The following MYRFL variants were observed in gnomAD, a reference collection of about 807,000 sequenced individuals.
MYRFL encodes myelin regulatory factor-like protein.
Under a neutral mutation model 109.4 loss-of-function variants are expected in MYRFL, and 88 were observed. The observed-to-expected ratio is 0.80, with a 90% CI of 0.68 to 0.96. MYRFL has a LOEUF of 0.96. Ranked by LOEUF, MYRFL falls within the 40% of genes least tolerant of loss-of-function variation. MYRFL has a pLI of 0.00. For missense variants in MYRFL, 957 were observed against 954.9 expected, an observed-to-expected ratio of 1.00 and a Z score of -0.03; for synonymous variants, 324 against 320.9, an observed-to-expected ratio of 1.01 and a Z score of -0.10.
intron 1 of MYRFL, among the ~76,000 whole-genome samples, chr12:69,853,490 G>C: frequency 6.6e-6 from 1 of 151,110 alleles, no homozygotes; most frequent in African/African-American, 2.4e-5. Flanking sequence ...TCGCGGCCAG[G>C]CAGAGGCGCG....
intron 6 of MYRFL, 67 bp downstream of exon 6, chr12:69,887,037 A>G: frequency 1.0e-5 from 15 of 1,485,680 alleles, no homozygotes; most frequent in Non-Finnish European, 1.4e-5. Context: ...TACTGAGTTC[A>G]AGCACTGGAG....
Position 69,879,202 on chromosome 12 carries a change from C to G in MYRFL, c.213C>G (p.Cys71Trp), listed in dbSNP as rs1251540048. The G allele has an allele frequency of 1.4e-6, 1 of 702,822 alleles. No individual in the cohort carries two copies. Among genetic ancestry groups the G allele is most frequent in the Non-Finnish European group, 2.6e-6 (1 of 384,798 alleles). The allele number at this position is 702,822 out of a possible 1,614,324, so 43.5% of individuals were successfully genotyped here. A position where few individuals can be genotyped will look rare whatever the true frequency, so the allele number is the denominator to read the frequency against. The change falls in exon 4 of 25, where the codon TGC becomes TGG. Residue 71 changes from cysteine (C) to tryptophan (W), a missense_variant. By Grantham distance (215) the Cys-to-Trp change is radical. Transcript: ENST00000552032. ...SCSPPQVKGACYPTLRPTAGR... is the reference protein window; with the variant it reads ...SCSPPQVKGAWYPTLRPTAGR... The stretch of plus-strand genomic sequence containing the variant: ...GCTTGTGTCTCTCCCCAGGTGCATG[C>G]TACCCAACCCTGAGGCCCACAGCTG...
At position 69,931,280 on chromosome 12, in the gene MYRFL, T is replaced by C. The variant is rs142046371; in HGVS notation, c.1831-1233T>C. ...ATTCCAGTCAATTCAACAAATTTCA[T>C]TGAGTTTCTTCTCTGTGCAGTACAC... On this transcript the variant is annotated intron_variant, in intron 15 of 24. Transcript: ENST00000552032. Among the ~76,000 whole-genome samples the C allele has an allele frequency of 3.2e-3, 480 of 152,304 alleles. 8 individuals carry two copies. Among genetic ancestry groups the C allele is most frequent in the African/African-American group, 0.011 (438 of 41,562 alleles).
At chr12:69,830,275 A>C (rs529180778) in intron 1 of MYRFL, among the ~76,000 whole-genome samples, 1 of 151,278 alleles carries the variant, frequency 6.6e-6, no homozygotes, top group Non-Finnish European at 1.5e-5. Context: ...ATAGATATAG[A>C]TATCTATATA....
chr12:69,911,430 G>C (rs1674565), intron 13 of MYRFL, among the ~76,000 whole-genome samples: 145,587 of 152,206 alleles, frequency 0.96, 69,670 homozygotes, highest in Non-Finnish European at 0.97. Flanking sequence ...TTGATGAAAC[G>C]GTGTTTGACT....
chr12:69,855,259 A>T, intron 1 of MYRFL, 21 bp from the exon 2 acceptor site: 1 of 698,272 alleles, frequency 1.4e-6, no homozygotes, highest in Non-Finnish European at 2.6e-6. Flanking sequence ...GTTTCTCAAG[A>T]TTTTCAATTT....
chr12:69,848,704 T>A (rs1196055572), intron 1 of MYRFL, among the ~76,000 whole-genome samples: 1 of 152,186 alleles, frequency 6.6e-6, no homozygotes, highest in Non-Finnish European at 1.5e-5. Flanking sequence ...TTTCTGACAT[T>A]CATAACTCTC....
In MYRFL at chr12:69,855,378, A is replaced by G; in HGVS notation, c.137+8A>G. On this transcript the variant is annotated splice_region_variant and intron_variant, in intron 2 of 24. Transcript: ENST00000552032. ...CTTTGATTTGGGGGCCTTGTAAGTAATGAGAGCACTGCTCTCTAGTTGATG... is the reference window on the plus strand; with the variant it reads ...CTTTGATTTGGGGGCCTTGTAAGTAGTGAGAGCACTGCTCTCTAGTTGATG... The G allele has an allele frequency of 1.4e-6, 1 of 702,620 alleles. No individual in the cohort carries two copies. Among genetic ancestry groups the G allele is most frequent in the South Asian group, 1.5e-5 (1 of 67,556 alleles). The allele number at this position is 702,620 out of a possible 1,614,324, so 43.5% of individuals were successfully genotyped here.
chr12:69,938,188 G>A (rs1264921539), intron 19 of MYRFL, among the ~76,000 whole-genome samples: 1 of 152,132 alleles, frequency 6.6e-6, no homozygotes, highest in African/African-American at 2.4e-5. Context: ...AAAAAATCTA[G>A]AACTATCACA....
chr12:69,871,174 CT>C (rs1163095305), intron 2 of MYRFL, among the ~76,000 whole-genome samples: 1 of 151,818 alleles, frequency 6.6e-6, no homozygotes, highest in Non-Finnish European at 1.5e-5. Context: ...TGCTCTACCC[CT>C]GTCTTTAAAT....
At chr12:69,828,512 T>C (rs537083406) in intron 1 of MYRFL, among the ~76,000 whole-genome samples, 3 of 152,266 alleles carry the variant, frequency 2.0e-5, no homozygotes, top group Middle Eastern at 3.4e-3. Flanking sequence ...GGTTTTATCT[T>C]TAGAAATCTA....
chr12:69,853,218 C>CCCTA (rs1380601965), intron 1 of MYRFL, among the ~76,000 whole-genome samples: 1 of 151,022 alleles, frequency 6.6e-6, no homozygotes, highest in Non-Finnish European at 1.5e-5. Flanking sequence ...AGGGGCTGCC[C>CCCTA]CCTACCTCCC....
At chr12:69,958,354 G>GAGAA (rs1592910346) in intron 24 of MYRFL, 31 bp downstream of exon 24, 3 of 1,527,600 alleles carry the variant, frequency 2.0e-6, no homozygotes, top group Non-Finnish European at 2.6e-6. Flanking sequence ...TCTTTTCAGT[G>GAGAA]AGAAAGAAAT....
chr12:69,840,099 A>C (rs1592684838), intron 1 of MYRFL, among the ~76,000 whole-genome samples: 1 of 152,304 alleles, frequency 6.6e-6, no homozygotes, highest in East Asian at 1.9e-4. Flanking sequence ...ACCGATGCAA[A>C]CATGTATGCT....
Position 69,897,180 on chromosome 12 carries a change from G to C in MYRFL, c.1116G>C (p.Leu372=). ...DQRYFMLVVG[L]YAANQDQFYL... is the part of the protein sequence containing the mutation. ...GATACTTCATGTTGGTGGTTGGACT[G>C]TATGCTGCTAACCAAGACCAGTTCT... Residue 372 remains leucine (L), a synonymous_variant, in exon 10 of 25, where the codon CTG becomes CTC. Coordinates refer to ENST00000552032, the MANE Select transcript of MYRFL (RefSeq NM_182530.3). 1 of 1,535,712 alleles carries C rather than the reference G, an allele frequency of 6.5e-7. No individual in the cohort carries two copies.
chr12:69,874,770 G>A (rs187494796), intron 2 of MYRFL, among the ~76,000 whole-genome samples: 42 of 151,992 alleles, frequency 2.8e-4, no homozygotes, highest in African/African-American at 9.4e-4. Flanking sequence ...AGATGTTTTT[G>A]TACTGTCTTC....
At chr12:69,893,989 A>ATTTTTTTTTTTTTTTTTTTTTTTTTTTTT (rs60637559) in intron 8 of MYRFL, 149 bp downstream of exon 8, 1 of 111,944 alleles carries the variant, frequency 8.9e-6, no homozygotes. Context: ...AATAATGTTA[A>ATTTTTTTTTTTTTTTTTTTTTTTTTTTTT]TTTTTTTTTT....
At chr12:69,862,446 C>T (rs1884743343) in intron 2 of MYRFL, among the ~76,000 whole-genome samples, 1 of 151,954 alleles carries the variant, frequency 6.6e-6, no homozygotes, top group African/African-American at 2.4e-5. Context: ...TTGTAGTTCT[C>T]CTTGAAGAGG....
At chr12:69,909,231 A>G (rs1003843863) in intron 11 of MYRFL, among the ~76,000 whole-genome samples, 4 of 152,230 alleles carry the variant, frequency 2.6e-5, no homozygotes, top group African/African-American at 9.6e-5. Flanking sequence ...CCAATTAAGC[A>G]CCAAGCTACC....
Sources: gnomAD v4.1 joint callset for allele counts (sites outside exome capture counted in the v4.1 genomes callset) on GRCh38, gnomAD v4.1.1 for gene constraint, MANE v1.5 for transcripts, NCBI Gene and HGNC (gene_info 2026-07-23, HGNC 2026-07-21) for gene names.